Variants in VIT observed in about 807,000 individuals in gnomAD.
VIT encodes vitrin.
Under a neutral mutation model 78.0 loss-of-function variants are expected in VIT, and 99 were observed. The observed-to-expected ratio is 1.27, with a 90% CI of 1.08 to 1.50. The LOEUF (loss-of-function observed/expected upper bound fraction) is 1.50. Among genes scored for constraint, VIT ranks in the 40% most tolerant of loss-of-function variants. The probability of loss-of-function intolerance (pLI) is 0.00; values close to 1 mark genes in which losing one functional copy is unlikely to be tolerated. For missense variants in VIT, 1,126 were observed against 875.3 expected (o/e 1.29, Z -3.61); for synonymous variants, 374 against 334.3 (o/e 1.12, Z -1.29).
intron 2 of VIT, among the ~76,000 whole-genome samples, chr2:36,721,269 C>T (rs1013900780): frequency 6.6e-6 from 1 of 152,090 alleles, no homozygotes; most frequent in Non-Finnish European, 1.5e-5. Flanking sequence ...TTTTATTTGT[C>T]AATTATACCT....
intron 10 of VIT, among the ~76,000 whole-genome samples, chr2:36,782,855 C>T (rs1459607953): frequency 6.6e-6 from 1 of 152,182 alleles, no homozygotes; most frequent in African/African-American, 2.4e-5. Context: ...CTGTCTTCCT[C>T]CAGTCCACAT....
chr2:36,744,670 T>C (rs1668030471), intron 4 of VIT, among the ~76,000 whole-genome samples: 1 of 152,202 alleles, frequency 6.6e-6, no homozygotes, highest in African/African-American at 2.4e-5. Flanking sequence ...TTAACGTGGT[T>C]GTTTTTTGAT....
chr2:36,744,980 G>C (rs185556902), intron 4 of VIT, among the ~76,000 whole-genome samples: 1 of 152,130 alleles, frequency 6.6e-6, no homozygotes, highest in Admixed American at 6.5e-5. Context: ...TCCATCTTGA[G>C]TTAATTTTTG....
intron 12 of VIT, among the ~76,000 whole-genome samples, chr2:36,788,989 A>G (rs1665296170): frequency 6.6e-6 from 1 of 152,218 alleles, no homozygotes; most frequent in South Asian, 2.1e-4. Context: ...TGTGATCGCC[A>G]TTCACAAGCA....
intron 3 of VIT, among the ~76,000 whole-genome samples, chr2:36,740,493 C>T (rs1344857485): frequency 6.6e-6 from 1 of 152,210 alleles, no homozygotes; most frequent in East Asian, 1.9e-4. Flanking sequence ...AGTTCACTCT[C>T]TCCAGCTTAA....
At chr2:36,702,633 G>GGAAGAGACT (rs1665135757) in intron 1 of VIT, among the ~76,000 whole-genome samples, 1 of 152,074 alleles carries the variant, frequency 6.6e-6, no homozygotes, top group African/African-American at 2.4e-5. Context: ...GCCACCAACG[G>GGAAGAGACT]TAGTCTCTTC....
At chr2:36,802,807 AG>A (rs1486814689) in intron 13 of VIT, among the ~76,000 whole-genome samples, 3 of 152,210 alleles carry the variant, frequency 2.0e-5, no homozygotes, top group Non-Finnish European at 4.4e-5. Flanking sequence ...TTGGGTTCTG[AG>A]GACAGAATCC....
At chr2:36,805,004 A>T (rs1014337882) in intron 13 of VIT, among the ~76,000 whole-genome samples, 1 of 152,034 alleles carries the variant, frequency 6.6e-6, no homozygotes, top group East Asian at 1.9e-4. Flanking sequence ...AGTTGAAGTG[A>T]TTTTAAAAAA....
chr2:36,730,405 G>C (rs1193631406), intron 3 of VIT, among the ~76,000 whole-genome samples: 1 of 152,156 alleles, frequency 6.6e-6, no homozygotes, highest in Non-Finnish European at 1.5e-5. Flanking sequence ...AATCTCCAGG[G>C]ACCCAGACTT....
chr2:36,805,746 C>G, intron 14 of VIT, 82 bp downstream of exon 14: 1 of 1,445,032 alleles, frequency 6.9e-7, no homozygotes. Flanking sequence ...GTGGTTTTCC[C>G]ATGCCTTTAA....
intron 4 of VIT, among the ~76,000 whole-genome samples, chr2:36,747,469 G>A (rs1668206706): frequency 6.6e-6 from 1 of 152,174 alleles, no homozygotes; most frequent in Admixed American, 6.5e-5. Flanking sequence ...TTATGAATCT[G>A]GGTCCTCCAA....
rs1434772926 is a variant in VIT at position 36,809,076 on chromosome 2, C to T, written c.1903+91C>T. On this transcript the variant is annotated intron_variant, in intron 15 of 15. Transcript: ENST00000379242. ...ACAAGGAAGGTATTGTCTTTTTATG[C>T]ATTGGTTTTTTCTGCGACTTAATAA... is the stretch of plus-strand genomic sequence containing the variant. 2.0e-6 allele frequency: 3 copies of T among 1,476,910 alleles called. No homozygotes were observed. The African/African-American group carries it at 4.2e-5, about 21-fold the overall frequency. 91.5% of individuals were successfully genotyped at this position (1,476,910 alleles called of 1,614,324 possible). A position where few individuals can be genotyped will look rare whatever the true frequency, so the allele number is the denominator to read the frequency against.
chr2:36,756,502 G>A (rs1046612297), intron 5 of VIT, among the ~76,000 whole-genome samples: 3 of 152,260 alleles, frequency 2.0e-5, no homozygotes, highest in Middle Eastern at 6.8e-3. Flanking sequence ...AGCACTGCTA[G>A]GCACCCCATG....
chr2:36,746,999 G>A (rs1273791535), intron 4 of VIT, among the ~76,000 whole-genome samples: 1 of 152,016 alleles, frequency 6.6e-6, no homozygotes. Context: ...GGTATGTTGT[G>A]TCTCTATTTT....
chr2:36,712,155 T>G (rs952911125), intron 1 of VIT, among the ~76,000 whole-genome samples: 3 of 151,984 alleles, frequency 2.0e-5, no homozygotes, highest in Admixed American at 1.3e-4. Context: ...TTTGATTTTT[T>G]TTTTCACACA....
intron 2 of VIT, among the ~76,000 whole-genome samples, chr2:36,725,343 A>G (rs2148472732): frequency 6.6e-6 from 1 of 152,274 alleles, no homozygotes; most frequent in South Asian, 2.1e-4. Context: ...ACCGTTGTGG[A>G]GGCTGGGGAG....
chr2:36,745,211 T>C (rs1668067349), intron 4 of VIT, among the ~76,000 whole-genome samples: 1 of 152,154 alleles, frequency 6.6e-6, no homozygotes, highest in South Asian at 2.1e-4. Flanking sequence ...GTTGTTTTGA[T>C]TGCTGTAGCC....
At position 36,754,870 on chromosome 2, in the gene VIT, G is replaced by A. The variant is rs755079624; in HGVS notation, c.276-51G>A. 46 of 1,583,500 alleles carry A rather than the reference G, an allele frequency of 2.9e-5. No homozygotes were observed. The East Asian group carries it at 8.2e-4, about 28-fold the overall frequency. The stretch of plus-strand genomic sequence containing the variant: ...ACTGGTTTTCTAGCCTGTTGATCAC[G>A]TCAAAAAATATTTCTGTTCTTTCCT... On this transcript the variant is annotated intron_variant, in intron 4 of 15. Transcript: ENST00000379242.
intron 1 of VIT, among the ~76,000 whole-genome samples, chr2:36,697,390 A>G (rs1365222755): frequency 3.3e-5 from 5 of 152,260 alleles, no homozygotes; most frequent in Admixed American, 6.5e-5. Context: ...GAATGGCAGT[A>G]TGAGAAATGG....
Sources: allele counts gnomAD v4.1 joint callset (sites outside exome capture counted in the v4.1 genomes callset), GRCh38; gene constraint gnomAD v4.1.1; transcripts MANE v1.5; gene names NCBI Gene and HGNC (gene_info 2026-07-23, HGNC 2026-07-21).